Variants in PRKG2 observed in about 807,000 individuals in gnomAD.
PRKG2 encodes the protein cGMP-dependent protein kinase 2.
A neutral mutation model predicts 97.2 loss-of-function variants in PRKG2; 33 were observed. That is an observed-to-expected ratio of 0.34 (90% confidence interval 0.26 to 0.45). The LOEUF (loss-of-function observed/expected upper bound fraction) is 0.45. Ranked by LOEUF, PRKG2 falls within the 20% of genes least tolerant of loss-of-function variation. PRKG2 has a pLI of 1.00. For missense variants in PRKG2, 638 were observed against 900.0 expected (o/e 0.71, Z 3.73); for synonymous variants, 330 against 321.8 (o/e 1.03, Z -0.27).
chr4:81,124,614 A>G (rs1183140822), intron 14 of PRKG2, among the ~76,000 whole-genome samples: 1 of 152,180 alleles, frequency 6.6e-6, no homozygotes, highest in Admixed American at 6.5e-5. Flanking sequence ...AGAAGAATTA[A>G]GGCACCCAAC....
intron 2 of PRKG2, among the ~76,000 whole-genome samples, chr4:81,177,711 T>C (rs1339172972): frequency 1.3e-5 from 2 of 151,998 alleles, no homozygotes; most frequent in African/African-American, 4.8e-5. Context: ...AAAAAAAGAA[T>C]ATAAACTTTG....
Position 81,174,505 on chromosome 4 carries a change from G to A in PRKG2, c.628+288C>T, listed in dbSNP as rs552179746. Among the ~76,000 whole-genome samples, 3 of 152,084 alleles carry A rather than the reference G, an allele frequency of 2.0e-5. No individual in the cohort carries two copies. The South Asian group carries it at 6.2e-4, about 32-fold the overall frequency. ...ACATAGTCCATGTTAGTAACATGGA[G>A]AAAATAGAACTTGCCTTACAGGGTT... is the stretch of plus-strand genomic sequence containing the variant. On this transcript the variant is annotated intron_variant, in intron 3 of 18. Coordinates refer to ENST00000264399, the MANE Select transcript of PRKG2 (RefSeq NM_006259.3).
At chr4:81,127,887 G>T (rs1166635959) in intron 14 of PRKG2, among the ~76,000 whole-genome samples, 5 of 152,216 alleles carry the variant, frequency 3.3e-5, no homozygotes, top group African/African-American at 1.2e-4. Context: ...AGTGGTGACA[G>T]AAGGCATCCT....
chr4:81,189,066 T>TAAAAAAAAAAAAAAAAAAAA, intron 2 of PRKG2, among the ~76,000 whole-genome samples: 14 of 17,054 alleles, frequency 8.2e-4, no homozygotes, highest in African/African-American at 1.6e-3. Context: ...AAAAAAATAA[T>TAAAAAAAAAAAAAAAAAAAA]AAAAAAAAAA....
intron 6 of PRKG2, among the ~76,000 whole-genome samples, chr4:81,156,991 T>C (rs1045377560): frequency 6.6e-6 from 1 of 152,000 alleles, no homozygotes; most frequent in Non-Finnish European, 1.5e-5. Context: ...AGATCCAAAA[T>C]TGACACCCTA....
At chr4:81,173,656 G>A (rs1012969132) in intron 3 of PRKG2, 1 of 151,938 alleles carries the variant, frequency 6.6e-6, no homozygotes, top group African/African-American at 2.4e-5. Context: ...GATATATACG[G>A]CAAATAATAA....
intron 1 of PRKG2, among the ~76,000 whole-genome samples, chr4:81,207,834 T>G (rs1224576224): frequency 6.6e-6 from 1 of 152,238 alleles, no homozygotes; most frequent in African/African-American, 2.4e-5. Context: ...TTCATCCATT[T>G]AAATATTGCT....
chr4:81,195,993 C>T (rs548820986), intron 2 of PRKG2, among the ~76,000 whole-genome samples: 1 of 152,134 alleles, frequency 6.6e-6, no homozygotes, highest in African/African-American at 2.4e-5. Flanking sequence ...GAAGGCCATT[C>T]CTGGGTAGGT....
Position 81,205,080 on chromosome 4 carries a change from G to C in PRKG2, c.-13-20C>G. Reference sequence around the variant, plus strand: ...AGGGACCTGAGAAGGCACAGAATTGGGAAGTATCAAGTGGAGTTTCACTTC... The same window carrying C: ...AGGGACCTGAGAAGGCACAGAATTGCGAAGTATCAAGTGGAGTTTCACTTC... On this transcript the variant is annotated intron_variant, in intron 1 of 18. Coordinates refer to ENST00000264399, the MANE Select transcript of PRKG2 (RefSeq NM_006259.3). 1 of 1,502,782 alleles carries C rather than the reference G, an allele frequency of 6.7e-7. No individual in the cohort carries two copies. Among genetic ancestry groups the C allele is most frequent in the Non-Finnish European group, 9.0e-7 (1 of 1,110,672 alleles). The allele number at this position is 1,502,782 out of a possible 1,614,324, so 93.1% of individuals were successfully genotyped here.
chr4:81,189,053 T>TAAAAAAA (rs1560615637), intron 2 of PRKG2, among the ~76,000 whole-genome samples: 1 of 17,418 alleles, frequency 5.7e-5, no homozygotes. Context: ...AAAAAAAAGA[T>TAAAAAAA]TAAAAAAAAT....
chr4:81,182,322 A>G (rs1190834103), intron 2 of PRKG2, among the ~76,000 whole-genome samples: 1 of 152,010 alleles, frequency 6.6e-6, no homozygotes, highest in Non-Finnish European at 1.5e-5. Flanking sequence ...CAGAAAGAGT[A>G]TTTGGTAAAA....
At chr4:81,147,397 T>A (rs1716105938) in intron 9 of PRKG2, among the ~76,000 whole-genome samples, 1 of 152,184 alleles carries the variant, frequency 6.6e-6, no homozygotes, top group Non-Finnish European at 1.5e-5. Context: ...CAATATATTT[T>A]CCATTTGAGA....
chr4:81,215,455 C>T (rs1476177799), upstream of PRKG2, among the ~76,000 whole-genome samples: 1 of 152,160 alleles, frequency 6.6e-6, no homozygotes, highest in African/African-American at 2.4e-5. Flanking sequence ...TGGTTGTAAG[C>T]ATTTTTGTTC....
chr4:81,116,367 A>G (rs1017037298), intron 14 of PRKG2, among the ~76,000 whole-genome samples: 4 of 152,066 alleles, frequency 2.6e-5, no homozygotes, highest in African/African-American at 7.2e-5. Flanking sequence ...ACATGATTTC[A>G]TTACTTTTTA....
intron 17 of PRKG2, among the ~76,000 whole-genome samples, chr4:81,097,031 T>C (rs1448203640): frequency 6.6e-6 from 1 of 152,134 alleles, no homozygotes; most frequent in Non-Finnish European, 1.5e-5. Context: ...ATGGCAGCTA[T>C]AGCCTTACAA....
In PRKG2 at chr4:81,193,577, C is replaced by T. The variant is rs150351153; in HGVS notation, c.461+11010G>A. Among the ~76,000 whole-genome samples, 1,095 of 152,268 alleles carry T rather than the reference C, an allele frequency of 7.2e-3. 10 individuals are homozygous for T. Among genetic ancestry groups the T allele is most frequent in the Non-Finnish European group, 0.012 (802 of 68,036 alleles). ...TATGCTGGCCAGGCGCGATGGCTCA[C>T]ACCTGTAATCCCAGCACTTTGGGAG... On this transcript the variant is annotated intron_variant, in intron 2 of 18. Transcript: ENST00000264399.
chr4:81,194,077 C>T (rs191210976), intron 2 of PRKG2, among the ~76,000 whole-genome samples: 6 of 152,204 alleles, frequency 3.9e-5, no homozygotes, highest in East Asian at 3.9e-4. Context: ...AGAATGTGCC[C>T]GCTTTCCTTT....
At chr4:81,124,993 T>C (rs909660065) in intron 14 of PRKG2, among the ~76,000 whole-genome samples, 1 of 152,202 alleles carries the variant, frequency 6.6e-6, no homozygotes, top group Non-Finnish European at 1.5e-5. Flanking sequence ...ATATGATTTT[T>C]GTCTACGACT....
Position 81,206,399 on chromosome 4 carries a change from G to A in PRKG2, c.-13-1339C>T, listed in dbSNP as rs773738546. ...CATGCTGTTCTCGTGATAGTGAATA[G>A]GTCTCATGAGATCTGATGGTTTTAT... On this transcript the variant is annotated intron_variant, in intron 1 of 18. Transcript: ENST00000264399. Among the ~76,000 whole-genome samples, 119 of 152,120 alleles carry A rather than the reference G, an allele frequency of 7.8e-4. 1 individual carries two copies. The highest frequency in any genetic ancestry group is 4.4e-4 in the Non-Finnish European group (30 of 68,016).
Sources: gnomAD v4.1 joint callset for allele counts (sites outside exome capture counted in the v4.1 genomes callset) on GRCh38, gnomAD v4.1.1 for gene constraint, MANE v1.5 for transcripts, NCBI Gene and HGNC (gene_info 2026-07-23, HGNC 2026-07-21) for gene names.